TFEC: variants seen among roughly 807,000 people sequenced by gnomAD.
TFEC encodes the protein class E basic helix-loop-helix protein 34.
In TFEC, 31 loss-of-function variants were observed where a neutral mutation model predicts 41.6. The ratio of observed to expected loss-of-function variants is 0.74; its 90% CI spans 0.56 to 1.01. The LOEUF is 1.01. TFEC is among the 50% of genes least tolerant of loss of function. The pLI, the probability that TFEC is intolerant of heterozygous loss-of-function variation, is 0.00. For synonymous variants in TFEC, 143 were observed against 140.6 expected (o/e 1.02, Z -0.12); for missense variants, 402 against 404.1 (o/e 0.99, Z 0.04).
chr7:115,943,620 T>C (rs1043168052), intron 6 of TFEC, among the ~76,000 whole-genome samples: 3 of 150,440 alleles, frequency 2.0e-5, no homozygotes, highest in Non-Finnish European at 4.4e-5. Context: ...ATTTATTTTT[T>C]ATATTTACTA....
At chr7:115,966,072 A>G (rs1323769850) in intron 3 of TFEC, among the ~76,000 whole-genome samples, 3 of 151,734 alleles carry the variant, frequency 2.0e-5, no homozygotes, top group Non-Finnish European at 2.9e-5. Context: ...TAAAAATACA[A>G]CTTCCTTCTG....
intron 1 of TFEC, among the ~76,000 whole-genome samples, chr7:116,144,721 C>T (rs529602853): frequency 6.6e-6 from 1 of 152,266 alleles, no homozygotes; most frequent in East Asian, 1.9e-4. Flanking sequence ...TCGGCTTCAT[C>T]CAATCAGTTG....
At chr7:116,140,860 ATCTACTAGAGG>A (rs1310204048) in intron 1 of TFEC, among the ~76,000 whole-genome samples, 1 of 152,226 alleles carries the variant, frequency 6.6e-6, no homozygotes, top group Non-Finnish European at 1.5e-5. Flanking sequence ...ATGAAATTCT[ATCTACTAGAGG>A]TGACACAATG....
At chr7:116,042,890 T>C (rs1032685020) in intron 3 of TFEC, among the ~76,000 whole-genome samples, 3 of 152,188 alleles carry the variant, frequency 2.0e-5, no homozygotes, top group Non-Finnish European at 2.9e-5. Flanking sequence ...TGACTCATAT[T>C]CTTCAGAAAT....
intron 3 of TFEC, among the ~76,000 whole-genome samples, chr7:116,089,554 T>C (rs1053361034): frequency 9.2e-5 from 14 of 152,148 alleles, no homozygotes; most frequent in Non-Finnish European, 2.1e-4. Flanking sequence ...TCATGAAATA[T>C]GCACTGGTCT....
chr7:115,977,456 A>G (rs531445052), intron 2 of TFEC, among the ~76,000 whole-genome samples: 10 of 152,184 alleles, frequency 6.6e-5, no homozygotes, highest in African/African-American at 2.4e-4. Context: ...ATAATACTAG[A>G]AATATTAAAG....
intron 3 of TFEC, among the ~76,000 whole-genome samples, chr7:116,083,624 A>T (rs1797139207): frequency 6.6e-6 from 1 of 151,966 alleles, no homozygotes; most frequent in Non-Finnish European, 1.5e-5. Flanking sequence ...AAATAATACA[A>T]AGAATATAAA....
rs1584509107 is a variant in TFEC at position 116,095,518 on chromosome 7, G to A, written c.198+15190C>T. ...TCCAATATATGTGACTAATACAAATGCTGTAGACTATGGTCCTATCACTAA... is the reference window on the plus strand; with the variant it reads ...TCCAATATATGTGACTAATACAAATACTGTAGACTATGGTCCTATCACTAA... On this transcript the variant is annotated intron_variant, in intron 3 of 8. Coordinates refer to the TFEC transcript ENST00000484212. Among the ~76,000 whole-genome samples, 3 of 152,264 alleles carry A rather than the reference G, an allele frequency of 2.0e-5. No homozygotes were observed. The East Asian group carries it at 5.8e-4, about 29-fold the overall frequency.
At chr7:116,150,292 A>G (rs948886140) in intron 1 of TFEC, among the ~76,000 whole-genome samples, 7 of 152,174 alleles carry the variant, frequency 4.6e-5, no homozygotes, top group African/African-American at 1.2e-4. Context: ...TGGTGGAACT[A>G]TAAGTGCCCA....
intron 3 of TFEC, among the ~76,000 whole-genome samples, chr7:116,043,722 A>G (rs1390496410): frequency 6.6e-6 from 1 of 152,232 alleles, no homozygotes; most frequent in East Asian, 1.9e-4. Flanking sequence ...AGTATTGAAC[A>G]GAGTGTGACC....
intron 1 of TFEC, among the ~76,000 whole-genome samples, chr7:115,985,561 G>A (rs906280519): frequency 2.6e-5 from 4 of 151,996 alleles, no homozygotes; most frequent in Non-Finnish European, 5.9e-5. Context: ...CCCTTAACAT[G>A]CATTAGCCCA....
At chr7:116,133,127 A>G (rs1483137911) in intron 1 of TFEC, among the ~76,000 whole-genome samples, 5 of 152,196 alleles carry the variant, frequency 3.3e-5, no homozygotes, top group Admixed American at 3.3e-4. Context: ...GTTTTTGTCA[A>G]TTTTCAAAAG....
intron 3 of TFEC, among the ~76,000 whole-genome samples, chr7:116,071,410 A>C (rs1425320264): frequency 1.3e-4 from 20 of 151,150 alleles, no homozygotes; most frequent in Admixed American, 1.3e-3. Flanking sequence ...ACTCAGGTAG[A>C]TAGCAATACA....
chr7:116,071,172 C>T (rs1796818979), intron 3 of TFEC, among the ~76,000 whole-genome samples: 1 of 150,508 alleles, frequency 6.6e-6, no homozygotes, highest in African/African-American at 2.4e-5. Context: ...TATTTAGATG[C>T]CAAAATAGAC....
At chr7:116,029,023 C>G (rs1261105443) in intron 1 of TFEC, among the ~76,000 whole-genome samples, 1 of 152,110 alleles carries the variant, frequency 6.6e-6, no homozygotes, top group Non-Finnish European at 1.5e-5. Flanking sequence ...CTAGAACTTA[C>G]AACAAACCTT....
intron 3 of TFEC, among the ~76,000 whole-genome samples, chr7:115,971,554 G>A (rs1222287328): frequency 6.6e-6 from 1 of 151,906 alleles, no homozygotes; most frequent in Non-Finnish European, 1.5e-5. Context: ...GAAGCAAAAA[G>A]CCTTCTCTTT....
At chr7:116,037,813 CT>C (rs1272259212) in intron 3 of TFEC, among the ~76,000 whole-genome samples, 1 of 151,984 alleles carries the variant, frequency 6.6e-6, no homozygotes, top group East Asian at 1.9e-4. Context: ...TTTGAAATAT[CT>C]TTAAAACTGC....
intron 2 of TFEC, among the ~76,000 whole-genome samples, chr7:115,977,578 C>T (rs1473881397): frequency 1.3e-5 from 2 of 151,702 alleles, no homozygotes; most frequent in East Asian, 3.9e-4. Flanking sequence ...GGCAAAAATA[C>T]CTTTTAAAAA....
chr7:116,069,040 C>T (rs1271872659), intron 3 of TFEC, among the ~76,000 whole-genome samples: 1 of 151,140 alleles, frequency 6.6e-6, no homozygotes, highest in Non-Finnish European at 1.5e-5. Context: ...ATAAACTCTA[C>T]ATTTCTTCAT....
Sources: gnomAD v4.1 joint callset for allele counts (sites outside exome capture counted in the v4.1 genomes callset) on GRCh38, gnomAD v4.1.1 for gene constraint, MANE v1.5 for transcripts, NCBI Gene and HGNC (gene_info 2026-07-23, HGNC 2026-07-21) for gene names.